PDZD2: variants seen among roughly 807,000 people sequenced by gnomAD.
PDZD2 encodes PDZ domain containing 2.
In PDZD2, 90 loss-of-function variants were observed where a neutral mutation model predicts 220.7. The ratio of observed to expected loss-of-function variants is 0.41; its 90% confidence interval spans 0.34 to 0.49. PDZD2 has a LOEUF of 0.49. Among genes scored for constraint, PDZD2 ranks in the 20% least tolerant of loss-of-function variants. The pLI is 0.28. For synonymous variants in PDZD2, 1,375 were observed against 1,450.5 expected (o/e 0.95, Z 1.18); for missense variants, 3,174 against 3,608.5 (o/e 0.88, Z 3.08).
At chr5:32,002,979 CCA>C (rs1414000904) in intron 5 of PDZD2, among the ~76,000 whole-genome samples, 1 of 122,412 alleles carries the variant, frequency 8.2e-6, no homozygotes, top group African/African-American at 3.1e-5. Flanking sequence ...CACACACACA[CCA>C]CACACACCCC....
At chr5:31,767,388 C>G (rs1449487897) in intron 1 of PDZD2, among the ~76,000 whole-genome samples, 2 of 152,216 alleles carry the variant, frequency 1.3e-5, no homozygotes, top group Non-Finnish European at 2.9e-5. Flanking sequence ...GGAATGATGC[C>G]TTGAAGAAGA....
intron 1 of PDZD2, among the ~76,000 whole-genome samples, chr5:31,676,617 G>C (rs1444196894): frequency 6.9e-6 from 1 of 144,532 alleles, no homozygotes; most frequent in African/African-American, 2.6e-5. Flanking sequence ...CCCATGGCAT[G>C]ATCTTGGTTC....
At chr5:31,756,642 G>C (rs564466133) in intron 1 of PDZD2, among the ~76,000 whole-genome samples, 1 of 152,222 alleles carries the variant, frequency 6.6e-6, no homozygotes, top group Non-Finnish European at 1.5e-5. Flanking sequence ...TGAACAGGGG[G>C]ATGAACATAG....
intron 2 of PDZD2, among the ~76,000 whole-genome samples, chr5:31,936,917 A>G (rs1166668892): frequency 6.6e-6 from 1 of 152,238 alleles, no homozygotes; most frequent in Admixed American, 6.5e-5. Flanking sequence ...GGGATTGGAA[A>G]GCAGTGTGAA....
intron 2 of PDZD2, among the ~76,000 whole-genome samples, chr5:31,811,673 C>T (rs758392167): frequency 2.6e-5 from 4 of 152,018 alleles, no homozygotes; most frequent in Non-Finnish European, 5.9e-5. Flanking sequence ...ATTATGGGGT[C>T]GAGGGGAGTG....
chr5:31,846,911 A>G (rs1257118205), intron 2 of PDZD2, among the ~76,000 whole-genome samples: 1 of 152,208 alleles, frequency 6.6e-6, no homozygotes, highest in Non-Finnish European at 1.5e-5. Context: ...ATTTAGGATA[A>G]ATTGTCCTAA....
At chr5:31,786,670 G>T (rs1462838488) in intron 1 of PDZD2, among the ~76,000 whole-genome samples, 1 of 152,112 alleles carries the variant, frequency 6.6e-6, no homozygotes. Flanking sequence ...CAAGATTTGG[G>T]GGGGTGTAGG....
At chr5:32,078,653 A>AG in intron 19 of PDZD2, among the ~76,000 whole-genome samples, 1 of 151,028 alleles carries the variant, frequency 6.6e-6, no homozygotes, top group African/African-American at 2.4e-5. Context: ...AAAAAAAAAA[A>AG]AAAAAAGGAA....
intron 6 of PDZD2, among the ~76,000 whole-genome samples, chr5:32,012,861 C>A (rs1461293865): frequency 1.3e-5 from 2 of 151,634 alleles, no homozygotes; most frequent in East Asian, 1.9e-4. Context: ...TTTAAACTTA[C>A]AATTTAAATA....
At chr5:32,014,218 C>G (rs1397495227) in intron 6 of PDZD2, among the ~76,000 whole-genome samples, 1 of 152,176 alleles carries the variant, frequency 6.6e-6, no homozygotes, top group Non-Finnish European at 1.5e-5. Context: ...CAAATTCTAG[C>G]CAGACATGGA....
At chr5:31,670,710 C>T (rs1350128017) in intron 1 of PDZD2, among the ~76,000 whole-genome samples, 2 of 152,112 alleles carry the variant, frequency 1.3e-5, no homozygotes, top group Admixed American at 6.6e-5. Context: ...CGTGAGCCAC[C>T]GCGCCCGGCC....
chr5:31,928,681 G>C (rs2150388650), intron 2 of PDZD2, among the ~76,000 whole-genome samples: 1 of 152,174 alleles, frequency 6.6e-6, no homozygotes, highest in Middle Eastern at 3.4e-3. Flanking sequence ...TCACCATGTT[G>C]GCCAAGCTGG....
In PDZD2 at chr5:32,057,990, A is replaced by G. The variant is rs35411942; in HGVS notation, c.2087A>G (p.Asn696Ser). The change falls in exon 12 of 25, where the codon AAT becomes AGT. Residue 696 changes from asparagine (N) to serine (S), a missense_variant. Around this residue, in one of 4 missense-constraint regions of PDZD2, gnomAD observed 1,861 missense variants for 2,001.0 expected, o/e 0.93. Transcript: ENST00000438447. ...AGCAGATCCGCCTCCCCGAACTTCA[A>G]TACCAGTGGGGGAGCCTCAGCGGGA... ...HMSRSASPNF[N>S]TSGGASAGGS... 3.5e-4 allele frequency: 567 copies of G among 1,613,406 alleles called. 5 individuals are homozygous for G. In the African/African-American group the frequency reaches 6.8e-3, roughly 19 times the overall value.
chr5:31,978,668 T>G (rs1479294267), intron 2 of PDZD2, among the ~76,000 whole-genome samples: 1 of 145,276 alleles, frequency 6.9e-6, no homozygotes, highest in East Asian at 2.0e-4. Context: ...TGAGCCAAGA[T>G]TGCACCGCTG....
intron 3 of PDZD2, among the ~76,000 whole-genome samples, chr5:31,988,415 A>G (rs1750884050): frequency 7.2e-6 from 1 of 138,368 alleles, no homozygotes; most frequent in Non-Finnish European, 1.5e-5. Flanking sequence ...CCAGCACAGG[A>G]GCTTCTGTCC....
At chr5:32,047,815 T>C (rs1013500020) in intron 7 of PDZD2, among the ~76,000 whole-genome samples, 1 of 152,242 alleles carries the variant, frequency 6.6e-6, no homozygotes, top group Non-Finnish European at 1.5e-5. Flanking sequence ...GCTATTGGCA[T>C]GCAATACCGT....
chr5:31,972,397 A>G (rs1220628475), intron 2 of PDZD2, among the ~76,000 whole-genome samples: 1 of 151,878 alleles, frequency 6.6e-6, no homozygotes, highest in African/African-American at 2.4e-5. Context: ...TACAGATGTG[A>G]GCCACAGCAC....
intron 2 of PDZD2, among the ~76,000 whole-genome samples, chr5:31,869,435 C>T (rs1020222837): frequency 3.2e-4 from 48 of 152,144 alleles, no homozygotes; most frequent in African/African-American, 1.0e-3. Flanking sequence ...TGGTGGCGGG[C>T]GCCTGTAGTC....
chr5:32,108,096 T>G lies in PDZD2; in HGVS notation c.8481T>G (p.Pro2827=). The change falls in exon 25 of 25, where the codon CCT becomes CCG. Residue 2827 remains proline (P), a synonymous_variant. Transcript: ENST00000438447. ...TTATGAAGTCTGTCCCAGAAGGACCTGTGCAGTTATTAATTAGAAAGCATA... is the reference window on the plus strand; with the variant it reads ...TTATGAAGTCTGTCCCAGAAGGACCGGTGCAGTTATTAATTAGAAAGCATA... ...WNIMKSVPEG[P]VQLLIRKHRN... is the part of the protein sequence containing the mutation. 3 of 1,609,852 alleles carry G rather than the reference T, an allele frequency of 1.9e-6. No individual in the cohort carries two copies. The highest frequency in any genetic ancestry group is 2.5e-6 in the Non-Finnish European group (3 of 1,176,972).
Sources: allele counts gnomAD v4.1 joint callset (sites outside exome capture counted in the v4.1 genomes callset), GRCh38; gene constraint gnomAD v4.1.1; regional missense constraint gnomAD v4.1.1; transcripts MANE v1.5; gene names NCBI Gene and HGNC (gene_info 2026-07-23, HGNC 2026-07-21).